DNAJC5B: variants seen among roughly 807,000 people sequenced by gnomAD.
DNAJC5B encodes the protein dnaJ homolog subfamily C member 5B.
A neutral mutation model predicts 24.7 loss-of-function variants in DNAJC5B; 23 were observed. That is an observed-to-expected ratio of 0.93 (90% confidence interval 0.67 to 1.32). The LOEUF (loss-of-function observed/expected upper bound fraction) is 1.32. Among genes scored for constraint, DNAJC5B ranks in the 40% most tolerant of loss-of-function variants. The pLI, the probability that DNAJC5B is intolerant of heterozygous loss-of-function variation, is 0.00. For missense variants in DNAJC5B, 238 were observed against 240.8 expected, an observed-to-expected ratio of 0.99 and a Z score of 0.08; for synonymous variants, 101 against 90.1, an observed-to-expected ratio of 1.12 and a Z score of -0.68.
rs77798700 is a variant in DNAJC5B, at chr8:66,061,919, AG to A, written c.119+10255del. Among the ~76,000 whole-genome samples, 150 of 151,354 alleles carry A rather than the reference AG, an allele frequency of 9.9e-4. 2 individuals carry two copies. In the East Asian group the frequency reaches 0.013, roughly 13 times the overall value. On this transcript the variant is annotated intron_variant, in intron 3 of 5. Coordinates refer to ENST00000276570, the MANE Select transcript of DNAJC5B (RefSeq NM_033105.6). ...AAACATCCCACCGAGAGTGATGACA[AG>A]GAGGCATTCAGGTGGCTTCGGGGAG...
chr8:66,038,872 G>A (rs1257929293), intron 1 of DNAJC5B, among the ~76,000 whole-genome samples: 1 of 152,186 alleles, frequency 6.6e-6, no homozygotes, highest in Non-Finnish European at 1.5e-5. Context: ...TTTCACACAT[G>A]TGAAATACAT....
At chr8:66,085,104 T>C (rs1807692078) in intron 5 of DNAJC5B, among the ~76,000 whole-genome samples, 1 of 152,172 alleles carries the variant, frequency 6.6e-6, no homozygotes, top group African/African-American at 2.4e-5. Context: ...CTCTACTATG[T>C]ATCCTTTCTT....
Position 66,073,280 on chromosome 8 carries a change from C to CA in DNAJC5B, c.120-3376dup, listed in dbSNP as rs1298714765. Among the ~76,000 whole-genome samples, 11 of 151,986 alleles carry CA rather than the reference C, an allele frequency of 7.2e-5. No individual in the cohort carries two copies. The East Asian group carries it at 2.1e-3, about 29-fold the overall frequency. The stretch of plus-strand genomic sequence containing the variant: ...AATAATTAGGAACATTTTTAAATGT[C>CA]AAAACCACAAAAAATTAAGCTCCCA... On this transcript the variant is annotated intron_variant, in intron 3 of 5. Coordinates refer to ENST00000276570, the MANE Select transcript of DNAJC5B (RefSeq NM_033105.6).
At position 66,080,367 on chromosome 8, in the gene DNAJC5B, G is replaced by A; in HGVS notation, c.334-10G>A. On this transcript the variant is annotated splice_polypyrimidine_tract_variant and intron_variant, in intron 4 of 5. Transcript: ENST00000276570. ...CTCATCCTCATTTTGCTTTACCTCT[G>A]TTTCCCTAGGCCCTGTTTGTCATCG... 6.2e-7 allele frequency: 1 copy of A among 1,608,218 alleles called. No individual in the cohort carries two copies. The highest frequency in any genetic ancestry group is 8.5e-7 in the Non-Finnish European group (1 of 1,177,250).
intron 3 of DNAJC5B, among the ~76,000 whole-genome samples, chr8:66,066,206 C>A (rs550110769): frequency 2.0e-5 from 3 of 152,084 alleles, no homozygotes; most frequent in Non-Finnish European, 4.4e-5. Context: ...CAAGAATGAC[C>A]ATTATTAAAA....
intron 1 of DNAJC5B, among the ~76,000 whole-genome samples, chr8:66,023,382 G>T (rs750168210): frequency 4.6e-5 from 7 of 152,066 alleles, no homozygotes; most frequent in Admixed American, 1.3e-4. Context: ...CTCCATACAA[G>T]ATAAGCTTTG....
chr8:66,090,251 A>ATGTGTGTG (rs147978582), intron 5 of DNAJC5B, among the ~76,000 whole-genome samples: 272 of 145,420 alleles, frequency 1.9e-3, no homozygotes, highest in Middle Eastern at 6.9e-3. Context: ...GCGTGCAGGC[A>ATGTGTGTG]TGTGTGTGTG....
chr8:66,020,665 T>C (rs1470197899), upstream of DNAJC5B, among the ~76,000 whole-genome samples: 1 of 150,496 alleles, frequency 6.6e-6, no homozygotes, highest in Admixed American at 6.6e-5. Context: ...TTAGACAAGG[T>C]TTCATTCTGC....
At chr8:66,074,450 T>A (rs1440757341) in intron 3 of DNAJC5B, among the ~76,000 whole-genome samples, 1 of 152,244 alleles carries the variant, frequency 6.6e-6, no homozygotes, top group Non-Finnish European at 1.5e-5. Context: ...TCACTATGCA[T>A]TTTAGTTGAA....
intron 5 of DNAJC5B, among the ~76,000 whole-genome samples, chr8:66,092,720 G>C (rs182507927): frequency 4.6e-4 from 70 of 151,768 alleles, no homozygotes; most frequent in Non-Finnish European, 7.8e-4. Context: ...CATATTGCTT[G>C]GTTTTCCCTA....
intron 1 of DNAJC5B, among the ~76,000 whole-genome samples, chr8:66,040,024 A>G (rs1806573605): frequency 6.6e-6 from 1 of 152,226 alleles, no homozygotes; most frequent in Admixed American, 6.5e-5. Context: ...GACATTTCAT[A>G]AAAGTTCTAA....
At chr8:66,057,829 A>G (rs993164346) in intron 3 of DNAJC5B, 2 of 152,234 alleles carry the variant, frequency 1.3e-5, no homozygotes, top group East Asian at 1.9e-4. Context: ...TGGTGAAACT[A>G]TATTTCACGA....
chr8:66,050,555 G>C (rs1806823609), intron 2 of DNAJC5B, among the ~76,000 whole-genome samples: 1 of 152,178 alleles, frequency 6.6e-6, no homozygotes, highest in African/African-American at 2.4e-5. Flanking sequence ...CCTAGGGAAG[G>C]ATTCTAATTG....
At chr8:66,079,452 G>A (rs1807542926) in intron 4 of DNAJC5B, among the ~76,000 whole-genome samples, 1 of 152,188 alleles carries the variant, frequency 6.6e-6, no homozygotes, top group Non-Finnish European at 1.5e-5. Flanking sequence ...TTTTGGGCAG[G>A]ATCAGGAAAG....
intron 1 of DNAJC5B, among the ~76,000 whole-genome samples, chr8:66,036,352 T>G (rs1806485053): frequency 6.6e-6 from 1 of 150,902 alleles, no homozygotes; most frequent in African/African-American, 2.4e-5. Context: ...GATCTCAGAA[T>G]TTCCACAGTT....
At chr8:66,095,985 T>C (rs756729244) in intron 5 of DNAJC5B, among the ~76,000 whole-genome samples, 7 of 152,194 alleles carry the variant, frequency 4.6e-5, no homozygotes, top group African/African-American at 1.7e-4. Context: ...TTTGTTATGT[T>C]CATTGTTCCA....
chr8:66,020,332 G>A (rs1227054964), upstream of DNAJC5B, among the ~76,000 whole-genome samples: 1 of 152,230 alleles, frequency 6.6e-6, no homozygotes, highest in Non-Finnish European at 1.5e-5. Context: ...GAAGCATGAT[G>A]TAAAATGTTA....
At chr8:66,068,470 C>A in intron 3 of DNAJC5B, among the ~76,000 whole-genome samples, 1 of 149,406 alleles carries the variant, frequency 6.7e-6, no homozygotes, top group Non-Finnish European at 1.5e-5. Flanking sequence ...AAGAAAATAC[C>A]AAAGAAGAAT....
chr8:66,083,036 G>GTC (rs1162692799), intron 5 of DNAJC5B, among the ~76,000 whole-genome samples: 1 of 106,226 alleles, frequency 9.4e-6, no homozygotes, highest in South Asian at 2.9e-4. Context: ...TTGAGATGAA[G>GTC]TCTCTCTCTC....
Sources: gnomAD v4.1 joint callset for allele counts (sites outside exome capture counted in the v4.1 genomes callset) on GRCh38, gnomAD v4.1.1 for gene constraint, MANE v1.5 for transcripts, NCBI Gene and HGNC (gene_info 2026-07-23, HGNC 2026-07-21) for gene names.